SMCO2: variants seen among roughly 807,000 people sequenced by gnomAD.
SMCO2 encodes single-pass membrane and coiled-coil domain-containing protein 2.
SMCO2 carries 25 observed loss-of-function variants against 29.5 expected under a neutral mutation model. That is an observed-to-expected ratio of 0.85 (90% CI 0.62 to 1.18). The LOEUF (loss-of-function observed/expected upper bound fraction) is 1.18, where lower values mean the gene tolerates loss of function less well. SMCO2 is among the 50% of genes most tolerant of loss of function. The probability of loss-of-function intolerance (pLI) is 0.00; values close to 1 mark genes in which losing one functional copy is unlikely to be tolerated. For missense variants in SMCO2, 348 were observed against 344.5 expected, an observed-to-expected ratio of 1.01 and a Z score of -0.08; for synonymous variants, 117 against 123.3, an observed-to-expected ratio of 0.95 and a Z score of 0.34.
the SMCO2 span, among the ~76,000 whole-genome samples, chr12:27,430,322 TTCTTC>T: frequency 6.6e-6 from 1 of 152,226 alleles, no homozygotes; most frequent in Non-Finnish European, 1.5e-5. Context: ...ATATCACTTT[TTCTTC>T]TCTTATTTTC....
the SMCO2 span, among the ~76,000 whole-genome samples, chr12:27,436,618 A>G: frequency 2.0e-5 from 3 of 152,174 alleles, no homozygotes; most frequent in Non-Finnish European, 4.4e-5. Flanking sequence ...GTGCCTAGCT[A>G]AGGTTGACTC....
the SMCO2 span, among the ~76,000 whole-genome samples, chr12:27,435,252 C>T: frequency 2.2e-5 from 3 of 135,330 alleles, no homozygotes; most frequent in Non-Finnish European, 3.2e-5. Flanking sequence ...TAGCTGCATC[C>T]CTGGCCTCTA....
At chr12:27,455,991 C>A in the SMCO2 span, among the ~76,000 whole-genome samples, 1 of 152,206 alleles carries the variant, frequency 6.6e-6, no homozygotes, top group Non-Finnish European at 1.5e-5. Flanking sequence ...GGGTGGATCC[C>A]AAAATCCTGA....
intron 4 of SMCO2, among the ~76,000 whole-genome samples, chr12:27,484,007 C>T (rs902206841): frequency 4.9e-4 from 75 of 152,206 alleles, no homozygotes; most frequent in African/African-American, 1.8e-3. Context: ...TATTTACACA[C>T]ATATTTACTA....
chr12:27,488,423 T>C (rs1355005988), intron 4 of SMCO2, 37 bp from the exon 6 acceptor site: 3 of 1,374,566 alleles, frequency 2.2e-6, no homozygotes, highest in Non-Finnish European at 2.9e-6. Context: ...GTGATTTTTC[T>C]TAATCTGCAG....
Position 27,498,238 on chromosome 12 carries a change from G to A in SMCO2, c.683+2383G>A, listed in dbSNP as rs1943035207. On this transcript the variant is annotated intron_variant, in intron 7 of 7. Transcript: ENST00000298876. ...TTTTGTGTGGTTTCACTAGAACCAG[G>A]TCTATTGCACATCTGGCCAGTATCA... The A allele has an allele frequency of 1.4e-5, 4 of 291,672 alleles. 1 individual carries two copies. The highest frequency in any genetic ancestry group is 8.7e-5 in the East Asian group (1 of 11,530). 18.1% of individuals were successfully genotyped at this position (291,672 alleles called of 1,614,324 possible). A position where few individuals can be genotyped will look rare whatever the true frequency, so the allele number is the denominator to read the frequency against.
chr12:27,434,300 T>C, the SMCO2 span, among the ~76,000 whole-genome samples: 1 of 152,186 alleles, frequency 6.6e-6, no homozygotes, highest in Non-Finnish European at 1.5e-5. Context: ...AAACATGTAA[T>C]AGGCCCTCTA....
chr12:27,445,598 T>C, the SMCO2 span, among the ~76,000 whole-genome samples: 1 of 152,196 alleles, frequency 6.6e-6, no homozygotes, highest in Non-Finnish European at 1.5e-5. Flanking sequence ...CTCAATTTGT[T>C]ACAGCTGCAA....
At chr12:27,444,375 C>T in the SMCO2 span, among the ~76,000 whole-genome samples, 1 of 152,256 alleles carries the variant, frequency 6.6e-6, no homozygotes, top group South Asian at 2.1e-4. Context: ...GAATCTAAGA[C>T]CTGAAACTGT....
At chr12:27,478,626 G>A (rs1382602538) in intron 4 of SMCO2, among the ~76,000 whole-genome samples, 1 of 152,142 alleles carries the variant, frequency 6.6e-6, no homozygotes, top group East Asian at 1.9e-4. Context: ...GGCAGCTGTA[G>A]GCTGGGCAGG....
the SMCO2 span, among the ~76,000 whole-genome samples, chr12:27,441,219 A>T: frequency 3.3e-5 from 5 of 152,190 alleles, no homozygotes; most frequent in Non-Finnish European, 5.9e-5. Context: ...TGGTCGTGCC[A>T]CTGCACTCCA....
chr12:27,486,838 G>A (rs1302657666), intron 4 of SMCO2, among the ~76,000 whole-genome samples: 6 of 152,160 alleles, frequency 3.9e-5, no homozygotes, highest in African/African-American at 1.4e-4. Flanking sequence ...TATGAAACTA[G>A]TCACATTATT....
intron 1 of SMCO2, 146 bp from the exon 2 acceptor site, chr12:27,470,476 G>C (rs1949531704): frequency 4.9e-6 from 4 of 817,530 alleles, no homozygotes; most frequent in East Asian, 5.6e-5. Context: ...AGCTTGTTTT[G>C]GGGTCCTTTA....
the SMCO2 span, among the ~76,000 whole-genome samples, chr12:27,437,076 AAC>A: frequency 6.6e-6 from 1 of 152,204 alleles, no homozygotes; most frequent in African/African-American, 2.4e-5. Flanking sequence ...CCAAAAAAGA[AAC>A]ATATATATGA....
chr12:27,426,830 G>C, the SMCO2 span, among the ~76,000 whole-genome samples: 2 of 152,208 alleles, frequency 1.3e-5, no homozygotes, highest in African/African-American at 4.8e-5. Context: ...GGGTGTTTGG[G>C]AAGACGTATA....
chr12:27,470,443 A>G (rs1949531421), intron 1 of SMCO2, among the ~76,000 whole-genome samples, 179 bp from the exon 2 acceptor site: 1 of 152,166 alleles, frequency 6.6e-6, no homozygotes, highest in Admixed American at 6.5e-5. Flanking sequence ...TTTCTCATAT[A>G]TACTTGAGAA....
the SMCO2 span, among the ~76,000 whole-genome samples, chr12:27,434,209 C>T: frequency 6.6e-6 from 1 of 152,210 alleles, no homozygotes; most frequent in East Asian, 1.9e-4. Flanking sequence ...ACATTAGTGT[C>T]ACCTGGGAGC....
At chr12:27,456,440 G>A in the SMCO2 span, among the ~76,000 whole-genome samples, 1 of 151,998 alleles carries the variant, frequency 6.6e-6, no homozygotes, top group Non-Finnish European at 1.5e-5. Context: ...ACTGTTCTTA[G>A]TGTGTAACCT....
exon 7 of SMCO2, chr12:27,495,844 C>T (rs61997182): frequency 0.045 from 68,459 of 1,510,734 alleles, 4,252 homozygotes; most frequent in African/African-American, 0.16. Context: ...CTCCTCCCCG[C>T]AATACAGCAT....
Sources: gnomAD v4.1 joint callset for allele counts (sites outside exome capture counted in the v4.1 genomes callset) on GRCh38, gnomAD v4.1.1 for gene constraint, MANE v1.5 for transcripts, NCBI Gene and HGNC (gene_info 2026-07-23, HGNC 2026-07-21) for gene names.